FLRT1: variants seen among roughly 807,000 people sequenced by gnomAD.
The protein encoded by FLRT1 is leucine-rich repeat transmembrane protein FLRT1.
In FLRT1, 14 loss-of-function variants were observed where a neutral mutation model predicts 30.9. That is an observed-to-expected ratio of 0.45 (90% CI 0.30 to 0.71). The LOEUF (loss-of-function observed/expected upper bound fraction) is 0.71, where lower values mean the gene tolerates loss of function less well. FLRT1 is among the 30% of genes least tolerant of loss of function. FLRT1 has a pLI of 0.08. For synonymous variants in FLRT1, 368 were observed against 430.4 expected (o/e 0.85, Z 1.80); for missense variants, 737 against 949.2 (o/e 0.78, Z 2.94).
At chr11:64,066,152 C>T (rs1944001353) in intron 1 of FLRT1, among the ~76,000 whole-genome samples, 1 of 151,898 alleles carries the variant, frequency 6.6e-6, no homozygotes. Flanking sequence ...CAAGAATTAG[C>T]TGGGCATGGT....
chr11:64,092,767 G>A (rs955107204), intron 1 of FLRT1, among the ~76,000 whole-genome samples: 2 of 152,246 alleles, frequency 1.3e-5, no homozygotes, highest in Admixed American at 1.3e-4. Flanking sequence ...AAAAGCCTGA[G>A]TAAACGGGTG....
chr11:64,040,900 C>T (rs542994249), intron 1 of FLRT1, among the ~76,000 whole-genome samples: 9 of 152,096 alleles, frequency 5.9e-5, no homozygotes, highest in East Asian at 3.9e-4. Context: ...CCCAGGCATC[C>T]GACGTCCGGC....
At chr11:64,100,492 T>C (rs1380403940) in intron 1 of FLRT1, among the ~76,000 whole-genome samples, 3 of 151,582 alleles carry the variant, frequency 2.0e-5, no homozygotes, top group African/African-American at 7.3e-5. Flanking sequence ...AGGCGAGGAG[T>C]GTAACCACTA....
intron 1 of FLRT1, among the ~76,000 whole-genome samples, chr11:64,038,932 C>A (rs562016301): frequency 5.3e-5 from 8 of 152,294 alleles, no homozygotes; most frequent in Non-Finnish European, 1.2e-4. Context: ...TGGGGAGGCA[C>A]CCACGTTGAG....
In FLRT1 at chr11:64,104,130, A is replaced by T. The variant is rs1192171201; in HGVS notation, c.-101A>T. 6.6e-6 allele frequency: 1 copy of T among 152,248 alleles called. No individual in the cohort carries two copies. The highest frequency in any genetic ancestry group is 2.4e-5 in the African/African-American group (1 of 41,426). 9.4% of individuals were successfully genotyped at this position (152,248 alleles called of 1,614,324 possible). ...TCGTGACTTTGGCAGGGGCCTCCGG[A>T]CCAGTGACCCCAGTCAAACCCAGAG... is the stretch of plus-strand genomic sequence containing the variant. On this transcript the variant is annotated 5_prime_UTR_variant, in exon 2 of 3. Coordinates refer to ENST00000682287, the MANE Select transcript of FLRT1 (RefSeq NM_013280.5).
intron 1 of FLRT1, among the ~76,000 whole-genome samples, chr11:64,072,296 A>G (rs1318598862): frequency 2.0e-5 from 3 of 152,206 alleles, no homozygotes; most frequent in Non-Finnish European, 4.4e-5. Flanking sequence ...GCCAGGCCCC[A>G]GAACTGTAGC....
intron 1 of FLRT1, among the ~76,000 whole-genome samples, chr11:64,043,951 C>T (rs1943536997): frequency 6.6e-6 from 1 of 151,882 alleles, no homozygotes; most frequent in Non-Finnish European, 1.5e-5. Context: ...GTAGCTGGGA[C>T]TACAGGTGCC....
At chr11:64,056,580 G>A (rs552609060) in intron 1 of FLRT1, among the ~76,000 whole-genome samples, 43 of 152,314 alleles carry the variant, frequency 2.8e-4, no homozygotes, top group Admixed American at 1.9e-3. Flanking sequence ...CAAAGGCTGC[G>A]GCCAGGGTGG....
At chr11:64,089,462 T>C (rs2134517410) in intron 1 of FLRT1, among the ~76,000 whole-genome samples, 1 of 152,240 alleles carries the variant, frequency 6.6e-6, no homozygotes, top group African/African-American at 2.4e-5. Context: ...AGGGGTGGGA[T>C]TCAACACAGG....
At position 64,064,714 on chromosome 11, in the gene FLRT1, T is replaced by C; in HGVS notation, c.-1038+28555T>C. Among the ~76,000 whole-genome samples, 1 of 142,300 alleles carries C rather than the reference T, an allele frequency of 7.0e-6. No homozygotes were observed. The highest frequency in any genetic ancestry group is 1.5e-5 in the Non-Finnish European group (1 of 64,560). The allele number at this position is 142,300 out of a possible 152,430, so 93.4% of individuals were successfully genotyped here. ...GGGGGGCCCTCCCTGAGTTCTCCTC[T>C]CCCCTCCCTGCCAGCCCCCCAGCAG... is the stretch of plus-strand genomic sequence containing the variant. On this transcript the variant is annotated intron_variant, in intron 1 of 2. Transcript: ENST00000682287. The surrounding 1 kb of genome is among the most constrained non-coding windows in gnomAD (Gnocchi z 4.5).
At chr11:64,115,664 G>A (rs1313707986) in intron 2 of FLRT1, among the ~76,000 whole-genome samples, 4 of 152,172 alleles carry the variant, frequency 2.6e-5, no homozygotes, top group East Asian at 3.8e-4. Flanking sequence ...AGGTTCTGGC[G>A]ACGCCCCCCT....
Position 64,039,129 on chromosome 11 carries a change from G to T in FLRT1, c.-1038+2970G>T, listed in dbSNP as rs555466895. Among the ~76,000 whole-genome samples the T allele has an allele frequency of 1.6e-4, 24 of 152,308 alleles. No homozygotes were observed. In the East Asian group the frequency reaches 4.6e-3, roughly 29 times the overall value. On this transcript the variant is annotated intron_variant, in intron 1 of 2. Transcript: ENST00000682287. Reference sequence around the variant, plus strand: ...ATCCACTCTGGTACCTGGCCCAAGGGGCAGTGGGAAATGCCCCAGAGCAAG... The same window carrying T: ...ATCCACTCTGGTACCTGGCCCAAGGTGCAGTGGGAAATGCCCCAGAGCAAG...
At chr11:64,114,011 C>CATGGATGG (rs140487195) in intron 2 of FLRT1, among the ~76,000 whole-genome samples, 1 of 95,518 alleles carries the variant, frequency 1.0e-5, no homozygotes, top group African/African-American at 4.4e-5. Flanking sequence ...CAGGTGGATG[C>CATGGATGG]ATGGATGGAT....
intron 1 of FLRT1, among the ~76,000 whole-genome samples, chr11:64,052,458 G>A (rs1943712656): frequency 6.6e-6 from 1 of 152,154 alleles, no homozygotes; most frequent in South Asian, 2.1e-4. Context: ...GGGACTACAG[G>A]GGCAGGCCTG....
intron 1 of FLRT1, among the ~76,000 whole-genome samples, chr11:64,038,240 C>G (rs574250): frequency 0.36 from 55,033 of 152,122 alleles, 12,844 homozygotes; most frequent in African/African-American, 0.67. Context: ...TGTAGAGATT[C>G]ATGCCTGGTG....
intron 1 of FLRT1, among the ~76,000 whole-genome samples, chr11:64,080,064 G>T (rs978025791): frequency 2.0e-5 from 3 of 152,210 alleles, no homozygotes; most frequent in Admixed American, 6.5e-5. Context: ...CCAGGCTGGA[G>T]TGCAATGGCA....
At chr11:64,102,078 A>T (rs940156742) in intron 1 of FLRT1, among the ~76,000 whole-genome samples, 14 of 152,154 alleles carry the variant, frequency 9.2e-5, no homozygotes, top group African/African-American at 3.4e-4. Context: ...GCATTTCTCA[A>T]ATCAGCCACC....
intron 1 of FLRT1, among the ~76,000 whole-genome samples, chr11:64,069,774 C>T (rs370772169): frequency 2.6e-4 from 40 of 152,216 alleles, no homozygotes; most frequent in East Asian, 5.8e-4. Flanking sequence ...AGGAAACCTC[C>T]GCACGCTGCC....
intron 1 of FLRT1, among the ~76,000 whole-genome samples, chr11:64,078,212 A>C (rs962784474): frequency 6.6e-5 from 10 of 152,110 alleles, no homozygotes; most frequent in Non-Finnish European, 1.0e-4. Context: ...GGCCATGCCC[A>C]TGCCCAGTAG....
Sources: gnomAD v4.1 joint callset for allele counts (sites outside exome capture counted in the v4.1 genomes callset) on GRCh38, gnomAD v4.1.1 for gene constraint, Gnocchi (gnomAD v3.1) non-coding constraint, MANE v1.5 for transcripts, NCBI Gene and HGNC (gene_info 2026-07-23, HGNC 2026-07-21) for gene names.